ERG: variants seen among roughly 807,000 people sequenced by gnomAD.
ERG encodes transcriptional regulator ERG.
Under a neutral mutation model 55.3 loss-of-function variants are expected in ERG, and 9 were observed. The observed-to-expected ratio is 0.16, with a 90% confidence interval of 0.10 to 0.28. The LOEUF (loss-of-function observed/expected upper bound fraction) is 0.28. Ranked by LOEUF, ERG falls within the 10% of genes least tolerant of loss-of-function variation. ERG has a pLI of 1.00. For synonymous variants in ERG, 223 were observed against 237.3 expected (o/e 0.94, Z 0.55); for missense variants, 434 against 631.6 (o/e 0.69, Z 3.35).
intron 1 of ERG, among the ~76,000 whole-genome samples, chr21:38,463,909 T>A (rs1017248203): frequency 2.0e-5 from 3 of 152,192 alleles, no homozygotes; most frequent in Non-Finnish European, 4.4e-5. Context: ...TCACTCCTTT[T>A]TCACACACCC....
At chr21:38,604,232 C>T (rs112759819) in intron 1 of ERG, among the ~76,000 whole-genome samples, 2,292 of 143,700 alleles carry the variant, frequency 0.016, 65 homozygotes, top group African/African-American at 0.056. Flanking sequence ...CCAGCCTGGG[C>T]GACAGAGCGA....
intron 1 of ERG, among the ~76,000 whole-genome samples, chr21:38,646,377 G>A (rs2060456970): frequency 6.6e-6 from 1 of 151,962 alleles, no homozygotes; most frequent in Non-Finnish European, 1.5e-5. Context: ...TAGAAGACAG[G>A]GCATTGCCAT....
intron 2 of ERG, among the ~76,000 whole-genome samples, chr21:38,428,857 C>T (rs936351089): frequency 2.6e-5 from 4 of 152,138 alleles, no homozygotes; most frequent in South Asian, 2.1e-4. Flanking sequence ...CTCTCACAGA[C>T]TCCTTTGAGG....
At chr21:38,588,764 C>T (rs1054424205), upstream of ERG, among the ~76,000 whole-genome samples, 1 of 152,152 alleles carries the variant, frequency 6.6e-6, no homozygotes, top group African/African-American at 2.4e-5. Context: ...GTCATCCAGG[C>T]TGGTGTGCAG....
intron 1 of ERG, among the ~76,000 whole-genome samples, chr21:38,476,405 CAT>C (rs1279061456): frequency 2.0e-5 from 3 of 152,184 alleles, no homozygotes; most frequent in Non-Finnish European, 4.4e-5. Flanking sequence ...ACCAGCGAAA[CAT>C]GTTCTCCTAA....
At chr21:38,524,634 T>C (rs1300098288) in intron 2 of ERG, among the ~76,000 whole-genome samples, 1 of 152,170 alleles carries the variant, frequency 6.6e-6, no homozygotes, top group African/African-American at 2.4e-5. Flanking sequence ...AAAGGACCTT[T>C]GGTAATTAAA....
intron 1 of ERG, among the ~76,000 whole-genome samples, chr21:38,484,727 C>A (rs897643220): frequency 6.6e-6 from 1 of 152,152 alleles, no homozygotes; most frequent in Non-Finnish European, 1.5e-5. Flanking sequence ...TGACAGACTG[C>A]AGATAGGACG....
In ERG at chr21:38,447,920, T is replaced by C. The variant is rs116515548; in HGVS notation, c.19-2299A>G. Among the ~76,000 whole-genome samples, 620 of 152,182 alleles carry C rather than the reference T, an allele frequency of 4.1e-3. 4 individuals are homozygous for C. The highest frequency in any genetic ancestry group is 0.014 in the African/African-American group (587 of 41,520). On this transcript the variant is annotated intron_variant, in intron 1 of 9. Transcript: ENST00000288319. ...ATCAGAAATTGGCGAAAACAGGTTA[T>C]ATATATAAGAAACAGGCTAAATTTA... is the stretch of plus-strand genomic sequence containing the variant.
intron 1 of ERG, among the ~76,000 whole-genome samples, chr21:38,467,687 C>A (rs2059103161): frequency 6.6e-6 from 1 of 152,150 alleles, no homozygotes; most frequent in Admixed American, 6.5e-5. Flanking sequence ...GACTTTGGGG[C>A]TTCCAGTAAC....
intron 1 of ERG, among the ~76,000 whole-genome samples, chr21:38,661,323 C>T (rs893359981): frequency 2.6e-5 from 4 of 152,236 alleles, no homozygotes; most frequent in Non-Finnish European, 5.9e-5. Flanking sequence ...GACACTAAGA[C>T]GTTTATAAAA....
chr21:38,369,961 C>T, the ERG span, among the ~76,000 whole-genome samples: 10 of 152,228 alleles, frequency 6.6e-5, 1 homozygote, highest in South Asian at 1.9e-3. Flanking sequence ...GTTCTCTATT[C>T]TGTTCCATTG....
At position 38,381,901 on chromosome 21, in the gene ERG, T is replaced by C. The variant is rs1013026284; in HGVS notation, c.*1502A>G. 7.5e-6 allele frequency: 8 copies of C among 1,063,494 alleles called. No homozygotes were observed. In the East Asian group the frequency reaches 4.0e-4, roughly 54 times the overall value. The allele number at this position is 1,063,494 out of a possible 1,614,324, so 65.9% of individuals were successfully genotyped here. A position where few individuals can be genotyped will look rare whatever the true frequency, so the allele number is the denominator to read the frequency against. ...TTTGGGTGCCAAACATCCTATTTCC[T>C]TGGCTCTCCCTTGCACAAGTTCCTG... On this transcript the variant is annotated 3_prime_UTR_variant, in exon 10 of 10. Coordinates refer to ENST00000288319, the MANE Select transcript of ERG (RefSeq NM_182918.4).
chr21:38,389,809 G>A (rs949541078), intron 9 of ERG, among the ~76,000 whole-genome samples: 1 of 152,064 alleles, frequency 6.6e-6, no homozygotes, highest in Non-Finnish European at 1.5e-5. Flanking sequence ...ACCTAGTCTA[G>A]GCCCCAGGCT....
At chr21:38,526,547 T>A (rs1274840297) in intron 2 of ERG, among the ~76,000 whole-genome samples, 4 of 152,222 alleles carry the variant, frequency 2.6e-5, no homozygotes, top group Non-Finnish European at 5.9e-5. Context: ...GAGTAAGATG[T>A]CTTTAATTTT....
At chr21:38,521,701 G>T (rs1386438643) in intron 2 of ERG, among the ~76,000 whole-genome samples, 2 of 152,174 alleles carry the variant, frequency 1.3e-5, no homozygotes, top group African/African-American at 4.8e-5. Context: ...ATCAGCTAAA[G>T]AAATTTTCAG....
chr21:38,616,311 A>C (rs1352440587), intron 1 of ERG, among the ~76,000 whole-genome samples: 1 of 152,178 alleles, frequency 6.6e-6, no homozygotes, highest in East Asian at 1.9e-4. Flanking sequence ...AGAATGGACT[A>C]ATATACCCGT....
intron 1 of ERG, among the ~76,000 whole-genome samples, chr21:38,448,760 C>G (rs1210100831): frequency 6.6e-6 from 1 of 152,168 alleles, no homozygotes; most frequent in Non-Finnish European, 1.5e-5. Flanking sequence ...ATCATCCCTT[C>G]GGTTAAAGCT....
intron 2 of ERG, among the ~76,000 whole-genome samples, chr21:38,528,992 A>T (rs2059652405): frequency 6.6e-6 from 1 of 152,164 alleles, no homozygotes; most frequent in Admixed American, 6.5e-5. Flanking sequence ...CTTTTAAATT[A>T]TATTACAGGA....
intron 3 of ERG, among the ~76,000 whole-genome samples, chr21:38,420,827 G>A (rs1989509818): frequency 6.6e-6 from 1 of 152,216 alleles, no homozygotes; most frequent in South Asian, 2.1e-4. Context: ...ATTCAATGAG[G>A]AACCAAGCAA....
Sources: allele counts gnomAD v4.1 joint callset (sites outside exome capture counted in the v4.1 genomes callset), GRCh38; gene constraint gnomAD v4.1.1; transcripts MANE v1.5; gene names NCBI Gene and HGNC (gene_info 2026-07-23, HGNC 2026-07-21).